SPTBN2: variants seen among roughly 807,000 people sequenced by gnomAD.
The protein encoded by SPTBN2 is spectrin beta, non-erythrocytic 2, also known as spectrin beta chain, non-erythrocytic 2.
Under a neutral mutation model 284.2 loss-of-function variants are expected in SPTBN2, and 107 were observed. That is an observed-to-expected ratio of 0.38 (90% CI 0.32 to 0.44). SPTBN2 has a LOEUF of 0.44. SPTBN2 is among the 20% of genes least tolerant of loss of function. The probability of loss-of-function intolerance (pLI) is 1.00; values close to 1 mark genes in which losing one functional copy is unlikely to be tolerated. For missense variants in SPTBN2, 2,569 were observed against 3,287.1 expected (o/e 0.78, Z 5.34); for synonymous variants, 1,289 against 1,354.8 (o/e 0.95, Z 1.07).
chr11:66,737,018 G>C (rs1942855249), intron 1 of SPTBN2, among the ~76,000 whole-genome samples: 1 of 152,162 alleles, frequency 6.6e-6, no homozygotes, highest in Non-Finnish European at 1.5e-5. Context: ...CTGTAAATCA[G>C]GGATAATTTT....
chr11:66,696,827 G>C lies in SPTBN2; in HGVS notation c.4015-287C>G, dbSNP rs575295972. Among the ~76,000 whole-genome samples, 27 of 152,282 alleles carry C rather than the reference G, an allele frequency of 1.8e-4. No homozygotes were observed. In the South Asian group the frequency reaches 5.6e-3, roughly 32 times the overall value. On this transcript the variant is annotated intron_variant, in intron 20 of 37. Coordinates refer to ENST00000533211, the MANE Select transcript of SPTBN2 (RefSeq NM_006946.4). ...TAGTTTGGGTTCCTTGGTGCCTGTG[G>C]TTTCTGGCACCACACTGCACATTGA... is the stretch of plus-strand genomic sequence containing the variant.
chr11:66,714,426 G>A lies in SPTBN2; in HGVS notation c.484-19C>T, dbSNP rs748908126. 9.4e-6 allele frequency: 15 copies of A among 1,603,790 alleles called. No homozygotes were observed. The Middle Eastern group carries it at 9.9e-4, about 106-fold the overall frequency. ...CTTGGATCTAGGAAGGAAGCAAGCA[G>A]GGCCCTCAGTCCCTGGACAGGAACT... On this transcript the variant is annotated intron_variant, in intron 5 of 37. Coordinates refer to ENST00000533211, the MANE Select transcript of SPTBN2 (RefSeq NM_006946.4).
rs1940177399 is a variant in SPTBN2, at chr11:66,687,224, CT to C, written c.6723-58del. The C allele has an allele frequency of 1.9e-6, 3 of 1,605,478 alleles. No homozygotes were observed. Among genetic ancestry groups the C allele is most frequent in the African/African-American group, 1.3e-5 (1 of 74,812 alleles). Reference sequence around the variant, plus strand: ...TCAGTGGCGCCCGCAACCTGGAGCCCTCTTGGGTGTCCTAGGACTTCCAGTT... The same window carrying C: ...TCAGTGGCGCCCGCAACCTGGAGCCCCTTGGGTGTCCTAGGACTTCCAGTT... On this transcript the variant is annotated intron_variant, in intron 35 of 37. Transcript: ENST00000533211. The surrounding 1 kb of genome is among the most constrained non-coding windows in gnomAD (Gnocchi z 5.2).
upstream of SPTBN2, among the ~76,000 whole-genome samples, chr11:66,731,539 C>T (rs77571617): frequency 0.011 from 1,648 of 152,300 alleles, 37 homozygotes; most frequent in African/African-American, 0.037. Context: ...CCTCTTTTCA[C>T]CTAAGATGGA....
intron 26 of SPTBN2, among the ~76,000 whole-genome samples, chr11:66,692,300 C>T (rs953078934): frequency 3.3e-5 from 5 of 152,062 alleles, no homozygotes; most frequent in Admixed American, 6.5e-5. Context: ...TGGTCTTGAA[C>T]TCCTGGACTC....
chr11:66,704,819 G>A lies in SPTBN2; in HGVS notation c.2457C>T (p.Arg819=). 6.2e-7 allele frequency: 1 copy of A among 1,606,610 alleles called. No homozygotes were observed. The highest frequency in any genetic ancestry group is 2.2e-5 in the East Asian group (1 of 44,858). ...QAAALPPTLS[R]TPEVQSRVPT... ...GCACCCGGCTCTGCACCTCGGGCGT[G>A]CGGCTCAGTGTGGGGGGCAGGGCTG... The change falls in exon 15 of 38, where the codon CGC becomes CGT. Residue 819 remains arginine, a synonymous_variant. Coordinates refer to ENST00000533211, the MANE Select transcript of SPTBN2 (RefSeq NM_006946.4).
rs1006990036 is a variant in SPTBN2 at position 66,683,617 on chromosome 11, T to C, written c.*2254A>G. On this transcript the variant is annotated 3_prime_UTR_variant, in exon 38 of 38. Transcript: ENST00000533211. ...GAAGTCCTGCTGCCGCATATGCAGA[T>C]GCTGCTCGGGGTCTTCAGTCTCACC... Among the ~76,000 whole-genome samples the C allele has an allele frequency of 1.3e-5, 2 of 152,282 alleles. No individual in the cohort carries two copies. The highest frequency in any genetic ancestry group is 2.1e-4 in the South Asian group (1 of 4,836).
At chr11:66,724,143 G>A (rs765313792) in intron 1 of SPTBN2, among the ~76,000 whole-genome samples, 2 of 152,144 alleles carry the variant, frequency 1.3e-5, no homozygotes, top group African/African-American at 2.4e-5. Flanking sequence ...TTTTTTGGCC[G>A]GGTGCGGAGG....
At chr11:66,699,649 C>T (rs942248924) in intron 17 of SPTBN2, 41 bp from the exon 18 acceptor site, 2 of 1,608,334 alleles carry the variant, frequency 1.2e-6, no homozygotes, top group East Asian at 2.2e-5. Context: ...TTCCCCAGCA[C>T]AATTCACCCC....
At chr11:66,686,547 G>A in intron 36 of SPTBN2, 107 bp from the exon 37 acceptor site, 2 of 1,258,724 alleles carry the variant, frequency 1.6e-6, no homozygotes, top group Admixed American at 1.7e-5. Flanking sequence ...ACATCTGGCT[G>A]CAGCCCTCAG....
At position 66,707,284 on chromosome 11, in the gene SPTBN2, C is replaced by CTG. The variant is rs2135463506; in HGVS notation, c.1653+230_1653+231dup. ...AGTTTCATCAGTGGTTTTATGGCCC[C>CTG]TGCTCTTTTGTTTACGGAAAGGTCC... On this transcript the variant is annotated intron_variant, in intron 13 of 37. Coordinates refer to ENST00000533211, the MANE Select transcript of SPTBN2 (RefSeq NM_006946.4). This position sits in a 1 kb window ranked among gnomAD's most constrained non-coding sequence, Gnocchi z 4.9. Among the ~76,000 whole-genome samples the CTG allele has an allele frequency of 6.6e-6, 1 of 152,380 alleles. No individual in the cohort carries two copies. The highest frequency in any genetic ancestry group is 2.1e-4 in the South Asian group (1 of 4,832).
intron 3 of SPTBN2, 110 bp from the exon 4 acceptor site, chr11:66,716,091 G>T (rs1357390786): frequency 2.8e-6 from 4 of 1,446,358 alleles, no homozygotes; most frequent in Non-Finnish European, 3.9e-6. Context: ...GGGAAGCGGG[G>T]TCCTCTAAGG....
intron 1 of SPTBN2, among the ~76,000 whole-genome samples, chr11:66,743,854 C>T (rs1294479991): frequency 6.6e-6 from 1 of 152,060 alleles, no homozygotes; most frequent in Admixed American, 6.6e-5. Context: ...AGGTAAAAGA[C>T]GGGGGGTCGT....
chr11:66,705,726 C>T lies in SPTBN2; in HGVS notation c.1765G>A (p.Ala589Thr). The change falls in exon 14 of 38, where the codon GCC becomes ACC. Residue 589 changes from alanine to threonine, a missense_variant. Coordinates refer to ENST00000533211, the MANE Select transcript of SPTBN2 (RefSeq NM_006946.4). Reference sequence around the variant, plus strand: ...AAGCGCAGGGCAGAGGCGCTGACGGCCCGCACCCTCTCGGCCTGCACGGCG... The same window carrying T: ...AAGCGCAGGGCAGAGGCGCTGACGGTCCGCACCCTCTCGGCCTGCACGGCG... ...DIAVQAERVR[A>T]VSASALRFCN... is the part of the protein sequence containing the mutation. The T allele has an allele frequency of 6.2e-7, 1 of 1,612,566 alleles. No individual in the cohort carries two copies. The highest frequency in any genetic ancestry group is 8.5e-7 in the Non-Finnish European group (1 of 1,179,996).
In SPTBN2 at chr11:66,721,412, A is replaced by C. The variant is rs1246655480; in HGVS notation, c.-85T>G. ...GGCTGCTCAGTGGAAATCAGCCCCCAGGGGAAGAGGGGAAGCCACCTGGGA... is the reference window on the plus strand; with the variant it reads ...GGCTGCTCAGTGGAAATCAGCCCCCCGGGGAAGAGGGGAAGCCACCTGGGA... On this transcript the variant is annotated 5_prime_UTR_variant, in exon 2 of 38. Transcript: ENST00000533211. The C allele has an allele frequency of 3.7e-6, 3 of 801,762 alleles. No individual in the cohort carries two copies. The highest frequency in any genetic ancestry group is 3.4e-5 in the African/African-American group (2 of 58,670). The allele number at this position is 801,762 out of a possible 1,614,324, so 49.7% of individuals were successfully genotyped here. A position where few individuals can be genotyped will look rare whatever the true frequency, so the allele number is the denominator to read the frequency against.
At position 66,688,094 on chromosome 11, in the gene SPTBN2, G is replaced by A; in HGVS notation, c.6375-15C>T. ...GTGGCTGGGTTCTGGGATGACCAAA[G>A]GCAACACAGAATCATTAGTCCCTGG... On this transcript the variant is annotated splice_polypyrimidine_tract_variant and intron_variant, in intron 32 of 37. Transcript: ENST00000533211. The A allele has an allele frequency of 6.2e-7, 1 of 1,613,968 alleles. No individual in the cohort carries two copies. The highest frequency in any genetic ancestry group is 1.1e-5 in the South Asian group (1 of 91,078).
In SPTBN2 at chr11:66,700,599, C is replaced by T. The variant is rs201295903; in HGVS notation, c.3500G>A (p.Arg1167His). Residue 1167 changes from arginine (R) to histidine (H), a missense_variant, in exon 17 of 38, where the codon CGC (arginine) becomes CAC (histidine). Around this residue, in one of 6 missense-constraint regions of SPTBN2, gnomAD observed 1,012 missense variants for 1,248.9 expected, o/e 0.81. Coordinates refer to ENST00000533211, the MANE Select transcript of SPTBN2 (RefSeq NM_006946.4). This position sits in a 1 kb window ranked among gnomAD's most constrained non-coding sequence, Gnocchi z 6.6. ...LGRMWESRQG[R>H]LAQAHGFQGF... Reference sequence around the variant, plus strand: ...CTGGAAGCCGTGGGCCTGGGCCAGGCGACCTTGCCGGCTCTCCCACATTCG... The same window carrying T: ...CTGGAAGCCGTGGGCCTGGGCCAGGTGACCTTGCCGGCTCTCCCACATTCG... 2.1e-5 allele frequency: 34 copies of T among 1,607,790 alleles called. No homozygotes were observed. Among genetic ancestry groups the T allele is most frequent in the Middle Eastern group, 1.7e-4 (1 of 6,012 alleles).
intron 1 of SPTBN2, among the ~76,000 whole-genome samples, chr11:66,727,582 C>T (rs1208102571): frequency 6.6e-6 from 1 of 152,200 alleles, no homozygotes; most frequent in African/African-American, 2.4e-5. Context: ...CGCACGCGGC[C>T]GCTTCCCCGC....
chr11:66,694,515 A>G, intron 21 of SPTBN2, 152 bp from the exon 22 acceptor site: 2 of 785,272 alleles, frequency 2.5e-6, no homozygotes, highest in East Asian at 2.7e-5. Flanking sequence ...GGATCAGTGG[A>G]TCTCGAACTT....
Sources: gnomAD v4.1 joint callset for allele counts (sites outside exome capture counted in the v4.1 genomes callset) on GRCh38, gnomAD v4.1.1 for gene constraint, gnomAD v4.1.1 regional missense constraint, Gnocchi (gnomAD v3.1) non-coding constraint, MANE v1.5 for transcripts, NCBI Gene and HGNC (gene_info 2026-07-23, HGNC 2026-07-21) for gene names.